XPO4: variants seen among roughly 807,000 people sequenced by gnomAD.
XPO4 encodes exportin-4.
XPO4 carries 39 observed loss-of-function variants against 143.0 expected under a neutral mutation model. The ratio of observed to expected loss-of-function variants is 0.27; its 90% confidence interval spans 0.21 to 0.36. XPO4 has a LOEUF of 0.36. Ranked by LOEUF, XPO4 falls within the 10% of genes least tolerant of loss-of-function variation. The probability of loss-of-function intolerance (pLI) is 1.00; values close to 1 mark genes in which losing one functional copy is unlikely to be tolerated. For missense variants in XPO4, 907 were observed against 1,348.0 expected, an observed-to-expected ratio of 0.67 and a Z score of 5.12; for synonymous variants, 439 against 474.0, an observed-to-expected ratio of 0.93 and a Z score of 0.96.
At chr13:20,823,500 A>C (rs1442287744) in intron 7 of XPO4, among the ~76,000 whole-genome samples, 1 of 152,224 alleles carries the variant, frequency 6.6e-6, no homozygotes, top group Non-Finnish European at 1.5e-5. Flanking sequence ...GGACTAGAAC[A>C]AACCACAGCC....
At chr13:20,805,745 T>G (rs2059496575) in intron 13 of XPO4, among the ~76,000 whole-genome samples, 1 of 152,228 alleles carries the variant, frequency 6.6e-6, no homozygotes, top group South Asian at 2.1e-4. Flanking sequence ...GAGAAGTGAC[T>G]TCTATCTGTT....
intron 18 of XPO4, among the ~76,000 whole-genome samples, chr13:20,793,754 G>A (rs2059316935): frequency 6.6e-6 from 1 of 152,132 alleles, no homozygotes; most frequent in Non-Finnish European, 1.5e-5. Context: ...CAATGTAAAT[G>A]ATCTGAAACA....
chr13:20,884,798 TTTAA>T (rs2060445916), intron 1 of XPO4, among the ~76,000 whole-genome samples: 1 of 152,290 alleles, frequency 6.6e-6, no homozygotes, highest in South Asian at 2.1e-4. Context: ...TGCAGTGAAC[TTTAA>T]TTAAGCCACT....
chr13:20,858,947 T>C (rs1940926567), intron 3 of XPO4, among the ~76,000 whole-genome samples: 1 of 135,332 alleles, frequency 7.4e-6, no homozygotes, highest in Non-Finnish European at 1.6e-5. Flanking sequence ...TATATATATA[T>C]ATGTGAGCTA....
intron 4 of XPO4, chr13:20,851,635 G>C (rs1434187305): frequency 1.8e-6 from 1 of 553,072 alleles, no homozygotes; most frequent in Non-Finnish European, 2.3e-6. Flanking sequence ...CCTGAGCATG[G>C]GGAGGTCAAG....
chr13:20,833,787 G>C (rs2059881478), intron 6 of XPO4, among the ~76,000 whole-genome samples: 1 of 152,148 alleles, frequency 6.6e-6, no homozygotes, highest in South Asian at 2.1e-4. Context: ...CAGGCAAAGA[G>C]AGAGGACCCA....
rs1270338275 is a variant in XPO4, at chr13:20,783,627, A to G, written c.*95T>C. ...AGGCTCTCCAAAATCCAAAATGGCC[A>G]AATGAACTGAGGAATAGGACAAGAC... is the stretch of plus-strand genomic sequence containing the variant. On this transcript the variant is annotated 3_prime_UTR_variant, in exon 23 of 23. Transcript: ENST00000255305. 7.2e-6 allele frequency: 10 copies of G among 1,387,446 alleles called. No homozygotes were observed. Among genetic ancestry groups the G allele is most frequent in the Non-Finnish European group, 1.0e-5 (10 of 988,146 alleles). The allele number at this position is 1,387,446 out of a possible 1,614,324, so 85.9% of individuals were successfully genotyped here.
At chr13:20,872,811 T>C (rs2060312580) in intron 1 of XPO4, among the ~76,000 whole-genome samples, 1 of 126,858 alleles carries the variant, frequency 7.9e-6, no homozygotes. Context: ...CTCAAATTTA[T>C]GTAAGACTCA....
intron 18 of XPO4, 55 bp downstream of exon 18, chr13:20,796,021 T>C: frequency 6.7e-7 from 1 of 1,483,842 alleles, no homozygotes; most frequent in Non-Finnish European, 9.1e-7. Flanking sequence ...AATCCTTTGA[T>C]TTAATAAAAA....
chr13:20,862,332 C>T (rs2060209429), intron 3 of XPO4, among the ~76,000 whole-genome samples: 1 of 152,142 alleles, frequency 6.6e-6, no homozygotes, highest in Admixed American at 6.5e-5. Context: ...ATATCCAACA[C>T]AACCTTTTCA....
intron 2 of XPO4, 148 bp from the exon 3 acceptor site, chr13:20,863,006 C>T: frequency 7.0e-7 from 1 of 1,437,958 alleles, no homozygotes; most frequent in South Asian, 1.5e-5. Context: ...GCTCTAGCAC[C>T]ACAAAGAGGT....
In XPO4 at chr13:20,821,592, T is replaced by A. The variant is rs890995374; in HGVS notation, c.1173+112A>T. ...GCACATCTAAACAAAACAGTCACTTTAACAATAGCCAGCACTCACTTAAAA... is the reference window on the plus strand; with the variant it reads ...GCACATCTAAACAAAACAGTCACTTAAACAATAGCCAGCACTCACTTAAAA... On this transcript the variant is annotated intron_variant, in intron 9 of 22. Coordinates refer to ENST00000255305, the MANE Select transcript of XPO4 (RefSeq NM_022459.5). The A allele has an allele frequency of 5.9e-6, 7 of 1,191,536 alleles. 1 individual carries two copies. The African/African-American group carries it at 9.3e-5, about 16-fold the overall frequency. 73.8% of individuals were successfully genotyped at this position (1,191,536 alleles called of 1,614,324 possible). A position where few individuals can be genotyped will look rare whatever the true frequency, so the allele number is the denominator to read the frequency against.
Position 20,800,997 on chromosome 13 carries a change from GTA to G in XPO4, c.1818-9_1818-8del. On this transcript the variant is annotated splice_region_variant and splice_polypyrimidine_tract_variant and intron_variant, in intron 13 of 22. Coordinates refer to ENST00000255305, the MANE Select transcript of XPO4 (RefSeq NM_022459.5). The stretch of plus-strand genomic sequence containing the variant: ...GAGAATGGCAGACAACAGCCTGTAG[GTA>G]TAAAACAGAAGTCATTTATTCTTTT... 6.2e-7 allele frequency: 1 copy of G among 1,610,364 alleles called. No homozygotes were observed. The highest frequency in any genetic ancestry group is 8.5e-7 in the Non-Finnish European group (1 of 1,179,296).
At chr13:20,784,620 T>C (rs1339328722) in intron 22 of XPO4, among the ~76,000 whole-genome samples, 1 of 152,154 alleles carries the variant, frequency 6.6e-6, no homozygotes, top group African/African-American at 2.4e-5. Flanking sequence ...TTAAGGGAAA[T>C]TCAACCAGGA....
At chr13:20,874,556 T>G (rs1399452456) in intron 1 of XPO4, among the ~76,000 whole-genome samples, 10 of 152,188 alleles carry the variant, frequency 6.6e-5, no homozygotes, top group Non-Finnish European at 1.0e-4. Context: ...AAGGTTAAAT[T>G]AGGCCCTATT....
At chr13:20,792,723 CAAAAAAAA>C (rs748612077) in intron 18 of XPO4, among the ~76,000 whole-genome samples, 1 of 98,086 alleles carries the variant, frequency 1.0e-5, no homozygotes, top group Non-Finnish European at 1.9e-5. Flanking sequence ...CTCTGTCTCA[CAAAAAAAA>C]AAAAAAAAAA....
intron 16 of XPO4, among the ~76,000 whole-genome samples, chr13:20,797,732 G>A (rs2059376825): frequency 6.6e-6 from 1 of 152,134 alleles, no homozygotes; most frequent in African/African-American, 2.4e-5. Context: ...TACACACACT[G>A]GCAACTCTTG....
At chr13:20,808,946 T>A in intron 11 of XPO4, 137 bp downstream of exon 11, 2 of 986,890 alleles carry the variant, frequency 2.0e-6, no homozygotes, top group Non-Finnish European at 3.0e-6. Context: ...CAATCATGAG[T>A]ATGTTTCTGT....
At position 20,823,662 on chromosome 13, in the gene XPO4, T is replaced by G. The variant is rs2059748378; in HGVS notation, c.841-1373A>C. On this transcript the variant is annotated intron_variant, in intron 7 of 22. Coordinates refer to ENST00000255305, the MANE Select transcript of XPO4 (RefSeq NM_022459.5). ...GGAAATTACACAGAATTCTTTTTTT[T>G]TCCCCCGAAACAGAGTTTCACTCTT... 2.0e-5 allele frequency among the ~76,000 whole-genome samples: 3 copies of G among 152,254 alleles called. No individual in the cohort carries two copies. In the South Asian group the frequency reaches 6.2e-4, roughly 32 times the overall value.
Sources: allele counts gnomAD v4.1 joint callset (sites outside exome capture counted in the v4.1 genomes callset), GRCh38; gene constraint gnomAD v4.1.1; transcripts MANE v1.5; gene names NCBI Gene and HGNC (gene_info 2026-07-23, HGNC 2026-07-21).